The following SEPTIN2 variants were observed in gnomAD, a reference collection of about 807,000 sequenced individuals.
SEPTIN2 encodes the protein septin-2.
Under a neutral mutation model 46.5 loss-of-function variants are expected in SEPTIN2, and 34 were observed. That is an observed-to-expected ratio of 0.73 (90% CI 0.56 to 0.97). SEPTIN2 has a LOEUF of 0.97. Ranked by LOEUF, SEPTIN2 falls within the 50% of genes least tolerant of loss-of-function variation. SEPTIN2 has a pLI of 0.00. For missense variants in SEPTIN2, 347 were observed against 448.4 expected, an observed-to-expected ratio of 0.77 and a Z score of 2.04; for synonymous variants, 175 against 153.4, an observed-to-expected ratio of 1.14 and a Z score of -1.04.
chr2:241,334,206 T>G (rs1328221091), intron 3 of SEPTIN2, among the ~76,000 whole-genome samples: 1 of 152,098 alleles, frequency 6.6e-6, no homozygotes, highest in Non-Finnish European at 1.5e-5. Context: ...TGTGTACTCC[T>G]TCCTCATGCT....
intron 2 of SEPTIN2, chr2:241,325,075 C>G (rs1172800660): frequency 6.9e-6 from 1 of 145,196 alleles, no homozygotes; most frequent in South Asian, 2.2e-4. Flanking sequence ...CACAGATAAG[C>G]AAAAAAAAAA....
chr2:241,335,247 C>A, intron 4 of SEPTIN2, 35 bp downstream of exon 4: 2 of 1,604,094 alleles, frequency 1.2e-6, no homozygotes, highest in Non-Finnish European at 1.7e-6. Flanking sequence ...AAGTGTAATT[C>A]TACATGAAAG....
intron 7 of SEPTIN2, among the ~76,000 whole-genome samples, chr2:241,338,001 T>C (rs2080325111): frequency 6.6e-6 from 1 of 152,200 alleles, no homozygotes; most frequent in Non-Finnish European, 1.5e-5. Context: ...TTCTATTCTT[T>C]AAATTCTCCT....
chr2:241,331,686 G>C (rs375586233), intron 3 of SEPTIN2, among the ~76,000 whole-genome samples: 1 of 152,190 alleles, frequency 6.6e-6, no homozygotes, highest in Non-Finnish European at 1.5e-5. Flanking sequence ...GAGCCACAGC[G>C]TCCAGCTCCA....
intron 1 of SEPTIN2, among the ~76,000 whole-genome samples, chr2:241,317,903 C>A (rs546194608): frequency 1.3e-5 from 2 of 152,122 alleles, no homozygotes; most frequent in Non-Finnish European, 2.9e-5. Context: ...GGAATAAACA[C>A]GATCTGAAGG....
At chr2:241,318,674 A>AT (rs991626975) in intron 1 of SEPTIN2, among the ~76,000 whole-genome samples, 2 of 148,004 alleles carry the variant, frequency 1.4e-5, no homozygotes, top group African/African-American at 5.0e-5. Context: ...GTATTCTAGA[A>AT]TTTTTTTAAC....
chr2:241,346,969 C>T (rs1443654767), intron 10 of SEPTIN2, among the ~76,000 whole-genome samples: 1 of 152,170 alleles, frequency 6.6e-6, no homozygotes, highest in East Asian at 1.9e-4. Context: ...CCTCACTCAC[C>T]TTTTCTTTTT....
At chr2:241,348,014 C>G (rs2060424414) in intron 10 of SEPTIN2, 120 bp from the exon 11 acceptor site, 7 of 740,128 alleles carry the variant, frequency 9.5e-6, no homozygotes, top group Non-Finnish European at 1.6e-5. Flanking sequence ...GACACCATCT[C>G]AATATAAAAA....
intron 5 of SEPTIN2, chr2:241,336,414 G>A (rs2079995039): frequency 1.3e-5 from 4 of 306,488 alleles, no homozygotes; most frequent in African/African-American, 4.3e-5. Context: ...GGAAGGAAGT[G>A]AAACCTGTTA....
At chr2:241,326,253 T>G (rs914580670) in intron 3 of SEPTIN2, 140 bp downstream of exon 3, 2 of 689,032 alleles carry the variant, frequency 2.9e-6, no homozygotes, top group Non-Finnish European at 4.3e-6. Context: ...CAAATATATG[T>G]GTATTCATTA....
intron 2 of SEPTIN2, chr2:241,325,279 T>C (rs544379018): frequency 2.3e-4 from 35 of 152,358 alleles, no homozygotes; most frequent in African/African-American, 7.9e-4. Context: ...GTCTAGATTC[T>C]GGTTACTTCT....
At position 241,337,789 on chromosome 2, in the gene SEPTIN2, G is replaced by T; in HGVS notation, c.593G>T (p.Arg198Met). ...TLKERERLKK[R>M]ILDEIEEHNI... ...AAGGAACGGGAGCGGCTGAAGAAAAGGGTGAGTGAGGCTGGCGTCCTGCCC... is the reference window on the plus strand; with the variant it reads ...AAGGAACGGGAGCGGCTGAAGAAAATGGTGAGTGAGGCTGGCGTCCTGCCC... The change falls in exon 7 of 13, where the codon AGG becomes ATG. Residue 198 changes from arginine to methionine, a missense_variant and splice_region_variant. By Grantham distance (91) the Arg-to-Met change is moderately conservative. Transcript: ENST00000391971. 1 of 1,610,630 alleles carries T rather than the reference G, an allele frequency of 6.2e-7. No individual in the cohort carries two copies. The highest frequency in any genetic ancestry group is 1.1e-5 in the South Asian group (1 of 90,950).
At chr2:241,331,421 C>G (rs1357620250) in intron 3 of SEPTIN2, among the ~76,000 whole-genome samples, 1 of 152,142 alleles carries the variant, frequency 6.6e-6, no homozygotes, top group African/African-American at 2.4e-5. Context: ...TTTTCTGAGA[C>G]AGTCTTGCTC....
intron 7 of SEPTIN2, 57 bp downstream of exon 7, chr2:241,337,847 G>A (rs1197561545): frequency 1.6e-6 from 2 of 1,213,618 alleles, no homozygotes; most frequent in Non-Finnish European, 2.4e-6. Flanking sequence ...GCATGGGGAT[G>A]AAGAAAGGAG....
At chr2:241,334,852 T>C (rs1168700525) in intron 3 of SEPTIN2, among the ~76,000 whole-genome samples, 3 of 152,244 alleles carry the variant, frequency 2.0e-5, no homozygotes, top group Non-Finnish European at 4.4e-5. Flanking sequence ...TGAACAGTTA[T>C]GTTTCTAATT....
At chr2:241,346,101 G>GT (rs2060208365) in intron 9 of SEPTIN2, 65 bp from the exon 10 acceptor site, 129 of 1,184,526 alleles carry the variant, frequency 1.1e-4, no homozygotes, top group Non-Finnish European at 1.2e-4. Flanking sequence ...TTGATGGGTG[G>GT]TTTTTTTTCT....
intron 3 of SEPTIN2, among the ~76,000 whole-genome samples, chr2:241,327,673 A>G (rs917709767): frequency 6.6e-6 from 1 of 151,928 alleles, no homozygotes; most frequent in African/African-American, 2.4e-5. Context: ...TGATGAGACA[A>G]CAAGCAGAAG....
At chr2:241,344,644 A>G (rs2081744056) in intron 9 of SEPTIN2, among the ~76,000 whole-genome samples, 2 of 152,216 alleles carry the variant, frequency 1.3e-5, no homozygotes, top group African/African-American at 4.8e-5. Context: ...CAGAGGTTGC[A>G]GTGAGCCAAG....
intron 1 of SEPTIN2, chr2:241,317,625 T>C: frequency 3.3e-6 from 3 of 922,804 alleles, no homozygotes; most frequent in Non-Finnish European, 1.3e-6. Context: ...TTGTCTGTTC[T>C]GTTAGTAGTC....
Sources: gnomAD v4.1 joint callset for allele counts (sites outside exome capture counted in the v4.1 genomes callset) on GRCh38, gnomAD v4.1.1 for gene constraint, MANE v1.5 for transcripts, NCBI Gene and HGNC (gene_info 2026-07-23, HGNC 2026-07-21) for gene names.